PRRT3: variants seen among roughly 807,000 people sequenced by gnomAD.
PRRT3 encodes the protein proline-rich transmembrane protein 3.
PRRT3 carries 48 observed loss-of-function variants against 56.6 expected under a neutral mutation model. The ratio of observed to expected loss-of-function variants is 0.85; its 90% CI spans 0.67 to 1.08. The LOEUF is 1.08. Among genes scored for constraint, PRRT3 ranks in the 50% least tolerant of loss-of-function variants. The pLI is 0.00. For missense variants in PRRT3, 1,370 were observed against 1,353.1 expected (o/e 1.01, Z -0.20); for synonymous variants, 641 against 619.1 (o/e 1.04, Z -0.52).
rs767412514 is a variant in PRRT3 at position 9,947,718 on chromosome 3, G to A, written c.1455C>T (p.Pro485=). Residue 485 remains proline (P), a synonymous_variant, in exon 4 of 4, where the codon CCC becomes CCT. Coordinates refer to ENST00000412055, the MANE Select transcript of PRRT3 (RefSeq NM_207351.5). This position sits in a 1 kb window ranked among gnomAD's most constrained non-coding sequence, Gnocchi z 9.2. ...VYGVGVLFLL[P]ALLALAALAA... ...CCAGCGCAGCCAGCGCCAACAACGC[G>A]GGCAGCAGAAAGAGTACCCCCACCC... The A allele has an allele frequency of 1.8e-5, 28 of 1,564,912 alleles. 1 individual carries two copies. The Admixed American group carries it at 5.1e-4, about 29-fold the overall frequency.
chr3:9,952,103 G>A (rs980052069), intron 1 of PRRT3, among the ~76,000 whole-genome samples: 1 of 152,198 alleles, frequency 6.6e-6, no homozygotes, highest in Non-Finnish European at 1.5e-5. Context: ...GGGCGAGGCC[G>A]TTGCGGGGCA....
Position 9,947,020 on chromosome 3 carries a change from A to G in PRRT3, c.2153T>C (p.Leu718Pro). 1 of 1,540,510 alleles carries G rather than the reference A, an allele frequency of 6.5e-7. No individual in the cohort carries two copies. Among genetic ancestry groups the G allele is most frequent in the Non-Finnish European group, 8.7e-7 (1 of 1,148,010 alleles). Reference protein sequence around the residue: ...EHACWAKLMRLACPAPSGKSE... With the variant: ...EHACWAKLMRPACPAPSGKSE... ...CTTTCCTGACGGCGCCGGGCACGCC[A>G]GACGCATCAGCTTAGCCCAGCAAGC... The change falls in exon 4 of 4, where the codon CTG becomes CCG. Residue 718 changes from leucine to proline, a missense_variant. Coordinates refer to ENST00000412055, the MANE Select transcript of PRRT3 (RefSeq NM_207351.5). The surrounding 1 kb of genome is among the most constrained non-coding windows in gnomAD (Gnocchi z 9.2).
Position 9,949,674 on chromosome 3 carries a change from C to G in PRRT3, c.442G>C (p.Gly148Arg). 2 of 1,614,040 alleles carry G rather than the reference C, an allele frequency of 1.2e-6. No homozygotes were observed. Among genetic ancestry groups the G allele is most frequent in the South Asian group, 1.1e-5 (1 of 91,074 alleles). Residue 148 changes from glycine (G) to arginine (R), a missense_variant, in exon 2 of 4, where the codon GGC becomes CGC. Coordinates refer to ENST00000412055, the MANE Select transcript of PRRT3 (RefSeq NM_207351.5). This position sits in a 1 kb window ranked among gnomAD's most constrained non-coding sequence, Gnocchi z 4.5. ...GGGATGAAAGTGAGATGAGGGTGGC[C>G]CACTGGGTGGGGAGCCACTGCTTCT... ...QQEAVAPHPV[G>R]HPHLTFIPTT...
chr3:9,947,469 C>A lies in PRRT3; in HGVS notation c.1704G>T (p.Leu568=), dbSNP rs753754591. The A allele has an allele frequency of 1.9e-6, 3 of 1,612,430 alleles. No individual in the cohort carries two copies. The highest frequency in any genetic ancestry group is 2.5e-6 in the Non-Finnish European group (3 of 1,179,656). ...CTGCTCCCAGCAGGAGTGGGTTTTG[C>A]AGCGGTGGCGGCAGCCCCGCGCCCA... The part of the protein sequence containing the change: ...LGLGAGLPPP[L]QNPLLLGAVA... Residue 568 remains leucine, a synonymous_variant, in exon 4 of 4, where the codon CTG becomes CTT. Coordinates refer to ENST00000412055, the MANE Select transcript of PRRT3 (RefSeq NM_207351.5). The surrounding 1 kb of genome is among the most constrained non-coding windows in gnomAD (Gnocchi z 9.2).
At chr3:9,948,140 T>C in intron 3 of PRRT3, 139 bp from the exon 4 acceptor site, 2 of 911,652 alleles carry the variant, frequency 2.2e-6, no homozygotes, top group Non-Finnish European at 2.9e-6. Flanking sequence ...CTCATTGCGT[T>C]GTGAAGAAGA....
rs765892903 is a variant in PRRT3, at chr3:9,947,096, G to C, written c.2077C>G (p.Leu693Val). ...GCGGCAGCCACCGCGGCCAACGCCA[G>C]GGCGAGCGCCCATGTCAGCTCCAGG... The part of the protein sequence containing the change: ...RLLELTWALA[L>V]ALAAVAAARP... Residue 693 changes from leucine (L) to valine (V), a missense_variant, in exon 4 of 4, where the codon CTG (leucine) becomes GTG (valine). Coordinates refer to ENST00000412055, the MANE Select transcript of PRRT3 (RefSeq NM_207351.5). This position sits in a 1 kb window ranked among gnomAD's most constrained non-coding sequence, Gnocchi z 9.2. 3.3e-6 allele frequency: 5 copies of C among 1,536,394 alleles called. No homozygotes were observed. The highest frequency in any genetic ancestry group is 1.2e-5 in the South Asian group (1 of 84,006).
At position 9,946,500 on chromosome 3, in the gene PRRT3, T is replaced by G; in HGVS notation, c.2673A>C (p.Ala891=). The change falls in exon 4 of 4, where the codon GCA becomes GCC. Residue 891 remains alanine (A), a synonymous_variant. Coordinates refer to ENST00000412055, the MANE Select transcript of PRRT3 (RefSeq NM_207351.5). The surrounding 1 kb of genome is among the most constrained non-coding windows in gnomAD (Gnocchi z 4.1). ...AAGCCGCAGCGGCTGCCCCGTCGGG[T>G]GCTTCCACTACGTGCTGTGGGACCG... The part of the protein sequence containing the change: ...RGPVPQHVVE[A]PDGAAAAASG... 6.5e-7 allele frequency: 1 copy of G among 1,538,246 alleles called. No individual in the cohort carries two copies.
intron 3 of PRRT3, chr3:9,948,418 C>T (rs780664905): frequency 2.4e-5 from 10 of 425,344 alleles, no homozygotes; most frequent in Admixed American, 8.4e-5. Flanking sequence ...CAGCCTTGAC[C>T]TCCAGGACAA....
chr3:9,946,515 C>T lies in PRRT3; in HGVS notation c.2658G>A (p.Gln886=), dbSNP rs1348574405. The stretch of plus-strand genomic sequence containing the variant: ...CCCCGTCGGGTGCTTCCACTACGTG[C>T]TGTGGGACCGGCCCGCGCACGCGCA... ...SDVRVRGPVP[Q]HVVEAPDGAA... is the part of the protein sequence containing the mutation. The change falls in exon 4 of 4, where the codon CAG becomes CAA. Residue 886 remains glutamine, a synonymous_variant. Transcript: ENST00000412055. This position sits in a 1 kb window ranked among gnomAD's most constrained non-coding sequence, Gnocchi z 4.1. 7.9e-6 allele frequency: 12 copies of T among 1,513,302 alleles called. No individual in the cohort carries two copies. The Admixed American group carries it at 8.9e-5, about 11-fold the overall frequency. 93.7% of individuals were successfully genotyped at this position (1,513,302 alleles called of 1,614,324 possible). A position where few individuals can be genotyped will look rare whatever the true frequency, so the allele number is the denominator to read the frequency against.
intron 1 of PRRT3, among the ~76,000 whole-genome samples, chr3:9,950,739 G>A (rs1404480340): frequency 1.3e-5 from 2 of 152,200 alleles, no homozygotes; most frequent in Non-Finnish European, 2.9e-5. Flanking sequence ...CTGACCTCAG[G>A]TAATCTGCCC....
rs2085581594 is a variant in PRRT3, at chr3:9,949,292, G to A, written c.824C>T (p.Ala275Val). ...CTCCTCAGCAGGAGGAAGGCTTCTG[G>A]CCAATGCCAAGTCTGGCTGGGCCCC... ...EPGAQPDLAL[A>V]RSLPPAEELP... is the part of the protein sequence containing the mutation. The change falls in exon 2 of 4, where the codon GCC becomes GTC. Residue 275 changes from alanine to valine, a missense_variant. Ala to Val is a moderately conservative substitution (Grantham distance 64). Transcript: ENST00000412055. This position sits in a 1 kb window ranked among gnomAD's most constrained non-coding sequence, Gnocchi z 4.5. 1 of 1,611,836 alleles carries A rather than the reference G, an allele frequency of 6.2e-7. No individual in the cohort carries two copies. The highest frequency in any genetic ancestry group is 8.5e-7 in the Non-Finnish European group (1 of 1,178,530).
At position 9,949,096 on chromosome 3, in the gene PRRT3, C is replaced by T. The variant is rs781574218; in HGVS notation, c.1015+5G>A. 3.8e-6 allele frequency: 6 copies of T among 1,591,140 alleles called. No individual in the cohort carries two copies. The highest frequency in any genetic ancestry group is 3.6e-5 in the Admixed American group (2 of 55,564). The stretch of plus-strand genomic sequence containing the variant: ...ACATCGCTCAGCACACTCATTGATA[C>T]CCACCTGGCTTAGACGGCCGATCAG... On this transcript the variant is annotated splice_donor_5th_base_variant and intron_variant, in intron 2 of 3. Transcript: ENST00000412055. The surrounding 1 kb of genome is among the most constrained non-coding windows in gnomAD (Gnocchi z 4.5).
rs779472300 is a variant in PRRT3 at position 9,946,848 on chromosome 3, A to C, written c.2325T>G (p.Ala775=). ...CCTGGGGTCCGCGACCCAACGACGC[A>C]GCCGAGCCCCAGGCGCCTGAACTGG... The part of the protein sequence containing the change: ...ATPSSGAWGS[A]ASLGRGPQGG... The change falls in exon 4 of 4, where the codon GCT becomes GCG. Residue 775 remains alanine, a synonymous_variant. Coordinates refer to ENST00000412055, the MANE Select transcript of PRRT3 (RefSeq NM_207351.5). This position sits in a 1 kb window ranked among gnomAD's most constrained non-coding sequence, Gnocchi z 4.1. The C allele has an allele frequency of 1.3e-6, 2 of 1,539,348 alleles. No homozygotes were observed. The highest frequency in any genetic ancestry group is 1.7e-6 in the Non-Finnish European group (2 of 1,148,524).
At chr3:9,948,503 AT>A (rs936501606) in intron 3 of PRRT3, 200 of 507,652 alleles carry the variant, frequency 3.9e-4, no homozygotes, top group South Asian at 1.3e-3. Context: ...ATTTTTATAT[AT>A]TTTTTTTGTT....
At chr3:9,948,621 G>A in intron 3 of PRRT3, 137 bp downstream of exon 3, 2 of 941,658 alleles carry the variant, frequency 2.1e-6, no homozygotes, top group African/African-American at 1.6e-5. Flanking sequence ...GTTGTTTGAA[G>A]GAGGCCCTGG....
chr3:9,949,244 C>G lies in PRRT3; in HGVS notation c.872G>C (p.Arg291Thr). 1 of 1,603,044 alleles carries G rather than the reference C, an allele frequency of 6.2e-7. No homozygotes were observed. The highest frequency in any genetic ancestry group is 8.5e-7 in the Non-Finnish European group (1 of 1,174,252). ...AEELPVETPKRAGAEVSWEVS... is the reference protein window; with the variant it reads ...AEELPVETPKTAGAEVSWEVS... ...TTCCCAGGACACCTCAGCGCCAGCC[C>G]TCTTGGGGGTCTCAACCGGCAGCTC... The change falls in exon 2 of 4, where the codon AGG becomes ACG. Residue 291 changes from arginine (R) to threonine (T), a missense_variant. Arg to Thr is a moderately conservative substitution (Grantham distance 71). Coordinates refer to ENST00000412055, the MANE Select transcript of PRRT3 (RefSeq NM_207351.5). The surrounding 1 kb of genome is among the most constrained non-coding windows in gnomAD (Gnocchi z 4.5).
At chr3:9,950,585 CT>C (rs2085607327) in intron 1 of PRRT3, among the ~76,000 whole-genome samples, 1 of 152,256 alleles carries the variant, frequency 6.6e-6, no homozygotes, top group South Asian at 2.1e-4. Context: ...TCACTGCAAC[CT>C]CCACCTCCCA....
At chr3:9,948,051 TTG>T in intron 3 of PRRT3, 50 bp from the exon 4 acceptor site, 1 of 1,291,468 alleles carries the variant, frequency 7.7e-7, no homozygotes, top group Non-Finnish European at 9.8e-7. Context: ...GCTTTTGATT[TTG>T]TATCACCCTC....
chr3:9,947,024 G>C lies in PRRT3; in HGVS notation c.2149C>G (p.Arg717Gly), dbSNP rs1475837115. Residue 717 changes from arginine (R) to glycine (G), a missense_variant, in exon 4 of 4, where the codon CGT (arginine) becomes GGT (glycine). Transcript: ENST00000412055. This position sits in a 1 kb window ranked among gnomAD's most constrained non-coding sequence, Gnocchi z 9.2. ...TEHACWAKLM[R>G]LACPAPSGKS... ...CCTGACGGCGCCGGGCACGCCAGAC[G>C]CATCAGCTTAGCCCAGCAAGCGTGC... 7 of 1,539,964 alleles carry C rather than the reference G, an allele frequency of 4.5e-6. No individual in the cohort carries two copies. The highest frequency in any genetic ancestry group is 6.1e-6 in the Non-Finnish European group (7 of 1,147,850).
Sources: gnomAD v4.1 joint callset for allele counts (sites outside exome capture counted in the v4.1 genomes callset) on GRCh38, gnomAD v4.1.1 for gene constraint, Gnocchi (gnomAD v3.1) non-coding constraint, MANE v1.5 for transcripts, NCBI Gene and HGNC (gene_info 2026-07-23, HGNC 2026-07-21) for gene names.